Variants in FARP2 observed in about 807,000 individuals in gnomAD.
FARP2 encodes the protein FERM, ARH/RhoGEF and pleckstrin domain protein 2, also known as FERM, ARHGEF and pleckstrin domain-containing protein 2.
A neutral mutation model predicts 130.5 loss-of-function variants in FARP2; 111 were observed. The observed-to-expected ratio is 0.85, with a 90% CI of 0.73 to 1.00. The LOEUF is 1.00. FARP2 is among the 50% of genes least tolerant of loss of function. The pLI is 0.00. For synonymous variants in FARP2, 504 were observed against 516.9 expected (o/e 0.98, Z 0.34); for missense variants, 1,385 against 1,346.3 (o/e 1.03, Z -0.45).
chr2:241,470,445 A>T (rs1029169399), intron 18 of FARP2, among the ~76,000 whole-genome samples: 2 of 150,296 alleles, frequency 1.3e-5, no homozygotes, highest in Non-Finnish European at 3.0e-5. Context: ...TCTTGGACGG[A>T]GGGGGACCCA....
chr2:241,404,030 T>A (rs1436029262), intron 3 of FARP2, 98 bp downstream of exon 3: 2 of 679,654 alleles, frequency 2.9e-6, no homozygotes, highest in Non-Finnish European at 2.7e-6. Context: ...GCATTAAATG[T>A]TTTTGCTATT....
intron 5 of FARP2, 49 bp from the exon 6 acceptor site, chr2:241,410,984 C>G: frequency 1.6e-6 from 2 of 1,271,074 alleles, no homozygotes; most frequent in Non-Finnish European, 1.1e-6. Flanking sequence ...ATGTTACATT[C>G]AGAGAACATT....
At chr2:241,357,541 A>G (rs1472526856) in intron 1 of FARP2, among the ~76,000 whole-genome samples, 1 of 152,224 alleles carries the variant, frequency 6.6e-6, no homozygotes, top group Non-Finnish European at 1.5e-5. Context: ...TCAGTTTTCC[A>G]AAACTCTTCA....
chr2:241,374,253 C>T (rs1392432349), intron 2 of FARP2, among the ~76,000 whole-genome samples: 1 of 152,144 alleles, frequency 6.6e-6, no homozygotes, highest in African/African-American at 2.4e-5. Context: ...CTCAAGGGAT[C>T]CTCCTACCTC....
At chr2:241,481,823 C>T (rs938517353) in intron 19 of FARP2, among the ~76,000 whole-genome samples, 1 of 152,164 alleles carries the variant, frequency 6.6e-6, no homozygotes, top group African/African-American at 2.4e-5. Context: ...GCATCAAACT[C>T]AGGCTCTCCA....
chr2:241,463,585 AT>A, intron 16 of FARP2, 117 bp downstream of exon 16: 2 of 1,193,454 alleles, frequency 1.7e-6, no homozygotes, highest in Non-Finnish European at 1.2e-6. Flanking sequence ...ACTGGAGCAT[AT>A]TTTTAGGAGC....
At chr2:241,402,100 A>G (rs541937384) in intron 2 of FARP2, among the ~76,000 whole-genome samples, 7 of 152,270 alleles carry the variant, frequency 4.6e-5, no homozygotes, top group Admixed American at 3.9e-4. Flanking sequence ...TATTTTACCA[A>G]TTCTTTACTG....
rs543822457 is a variant in FARP2 at position 241,418,223 on chromosome 2, C to T, written c.771+114C>T. On this transcript the variant is annotated intron_variant, in intron 8 of 26. Transcript: ENST00000264042. ...TATTTGTCCTGATGAGTACGGGCCT[C>T]GATTTGGAAGAGGGGCTTTGCATAT... The T allele has an allele frequency of 6.0e-5, 66 of 1,094,146 alleles. No individual in the cohort carries two copies. The Admixed American group carries it at 8.9e-4, about 15-fold the overall frequency. 67.8% of individuals were successfully genotyped at this position (1,094,146 alleles called of 1,614,324 possible).
chr2:241,484,622 C>G (rs2064707344), intron 21 of FARP2, among the ~76,000 whole-genome samples: 1 of 152,194 alleles, frequency 6.6e-6, no homozygotes, highest in African/African-American at 2.4e-5. Flanking sequence ...AGGACAAGGC[C>G]TGCTCCCCGC....
intron 8 of FARP2, among the ~76,000 whole-genome samples, chr2:241,426,973 A>G (rs1405916175): frequency 1.3e-5 from 2 of 152,132 alleles, no homozygotes; most frequent in Admixed American, 6.6e-5. Context: ...GGTGGCTCAC[A>G]CCTGTAATCC....
chr2:241,449,961 C>T (rs1290672110), intron 13 of FARP2, among the ~76,000 whole-genome samples: 5 of 150,514 alleles, frequency 3.3e-5, no homozygotes, highest in East Asian at 1.9e-4. Flanking sequence ...GAGCTGAGAT[C>T]GCTCCATTGC....
rs993503289 is a variant in FARP2, at chr2:241,459,885, C to G, written c.1588-2638C>G. On this transcript the variant is annotated intron_variant, in intron 14 of 26. Coordinates refer to ENST00000264042, the MANE Select transcript of FARP2 (RefSeq NM_014808.4). This position sits in a 1 kb window ranked among gnomAD's most constrained non-coding sequence, Gnocchi z 5.3. Reference sequence around the variant, plus strand: ...CTTGGCCAGTCTGCTCCCCTGACTCCCCTGTGACCCACTGGTGGCACCTGT... The same window carrying G: ...CTTGGCCAGTCTGCTCCCCTGACTCGCCTGTGACCCACTGGTGGCACCTGT... 2.6e-5 allele frequency among the ~76,000 whole-genome samples: 4 copies of G among 152,130 alleles called. No individual in the cohort carries two copies. Among genetic ancestry groups the G allele is most frequent in the Non-Finnish European group, 5.9e-5 (4 of 68,008 alleles).
intron 21 of FARP2, among the ~76,000 whole-genome samples, chr2:241,486,111 C>G (rs1268987033): frequency 6.6e-6 from 1 of 152,076 alleles, no homozygotes. Context: ...AAAATTACAC[C>G]TTTATTATAG....
rs548464630 is a variant in FARP2, at chr2:241,414,593, A to G, written c.623+1172A>G. ...CAGACTGAGGTGCCTACCCATACAGATCTTACCTTACCCCGTAAGATTGTG... is the reference window on the plus strand; with the variant it reads ...CAGACTGAGGTGCCTACCCATACAGGTCTTACCTTACCCCGTAAGATTGTG... On this transcript the variant is annotated intron_variant, in intron 7 of 26. Transcript: ENST00000264042. 3.3e-5 allele frequency among the ~76,000 whole-genome samples: 5 copies of G among 152,234 alleles called. No homozygotes were observed. The East Asian group carries it at 9.7e-4, about 29-fold the overall frequency.
chr2:241,463,502 C>T lies in FARP2; in HGVS notation c.1811+34C>T, dbSNP rs376007848. 6.3e-6 allele frequency: 10 copies of T among 1,599,834 alleles called. No homozygotes were observed. In the East Asian group the frequency reaches 9.0e-5, roughly 14 times the overall value. Reference sequence around the variant, plus strand: ...CCTTCAGCCCCCACACGGGAGACTCCCACACCAACTCATCATCACCGCTCT... The same window carrying T: ...CCTTCAGCCCCCACACGGGAGACTCTCACACCAACTCATCATCACCGCTCT... On this transcript the variant is annotated intron_variant, in intron 16 of 26. Coordinates refer to ENST00000264042, the MANE Select transcript of FARP2 (RefSeq NM_014808.4).
chr2:241,491,747 G>GAGGAGGGGACCTC, intron 24 of FARP2, 68 bp downstream of exon 24: 1 of 1,442,446 alleles, frequency 6.9e-7, no homozygotes, highest in South Asian at 1.3e-5. Flanking sequence ...CTTGGCTGCT[G>GAGGAGGGGACCTC]AGGAGGGGAC....
chr2:241,436,655 A>G lies in FARP2; in HGVS notation c.1158+117A>G, dbSNP rs552318592. 500 of 869,388 alleles carry G rather than the reference A, an allele frequency of 5.8e-4. 6 individuals are homozygous for G. Among genetic ancestry groups the G allele is most frequent in the South Asian group, 5.0e-3 (337 of 67,520 alleles). The allele number at this position is 869,388 out of a possible 1,614,324, so 53.9% of individuals were successfully genotyped here. A position where few individuals can be genotyped will look rare whatever the true frequency, so the allele number is the denominator to read the frequency against. On this transcript the variant is annotated intron_variant, in intron 12 of 26. Coordinates refer to ENST00000264042, the MANE Select transcript of FARP2 (RefSeq NM_014808.4). ...ATTAATCATATTATTTAATGCAGCA[A>G]TTGTAATCCTGGGACTCTGTTTTCA...
chr2:241,414,122 C>T (rs2062602562), intron 7 of FARP2, among the ~76,000 whole-genome samples: 1 of 152,064 alleles, frequency 6.6e-6, no homozygotes, highest in African/African-American at 2.4e-5. Flanking sequence ...CTGTGTGAGG[C>T]TAACAGTGTC....
intron 2 of FARP2, among the ~76,000 whole-genome samples, chr2:241,384,104 G>T (rs2061729848): frequency 6.6e-6 from 1 of 150,978 alleles, no homozygotes; most frequent in Non-Finnish European, 1.5e-5. Context: ...CCATGACCTA[G>T]TGGAAGCCTT....
Sources: allele counts gnomAD v4.1 joint callset (sites outside exome capture counted in the v4.1 genomes callset), GRCh38; gene constraint gnomAD v4.1.1; non-coding constraint Gnocchi (gnomAD v3.1); transcripts MANE v1.5; gene names NCBI Gene and HGNC (gene_info 2026-07-23, HGNC 2026-07-21).